The following ATP13A4 variants were observed in gnomAD, a reference collection of about 807,000 sequenced individuals.
ATP13A4 encodes probable cation-transporting ATPase 13A4.
A neutral mutation model predicts 142.5 loss-of-function variants in ATP13A4; 114 were observed. The observed-to-expected ratio is 0.80, with a 90% CI of 0.69 to 0.93. ATP13A4 has a LOEUF of 0.93. ATP13A4 is among the 40% of genes least tolerant of loss of function. The probability of loss-of-function intolerance (pLI) is 0.00; values close to 1 mark genes in which losing one functional copy is unlikely to be tolerated. For missense variants in ATP13A4, 1,392 were observed against 1,454.0 expected (o/e 0.96, Z 0.69); for synonymous variants, 488 against 514.8 (o/e 0.95, Z 0.70).
intron 18 of ATP13A4, among the ~76,000 whole-genome samples, chr3:193,443,408 C>T (rs1207391940): frequency 1.3e-5 from 2 of 152,094 alleles, no homozygotes; most frequent in African/African-American, 4.8e-5. Context: ...GTGAGGCAGA[C>T]CCAAACATCA....
chr3:193,554,681 TGTGTG>T, intron 1 of ATP13A4, 54 bp downstream of exon 1: 1 of 1,377,248 alleles, frequency 7.3e-7, no homozygotes, highest in Non-Finnish European at 1.0e-6. Context: ...TGTGTGTGTG[TGTGTG>T]TCTCGCAGGC....
At chr3:193,459,372 T>A in intron 13 of ATP13A4, 141 bp from the exon 14 acceptor site, 1 of 1,088,016 alleles carries the variant, frequency 9.2e-7, no homozygotes, top group Non-Finnish European at 1.3e-6. Flanking sequence ...CCTCCCACAT[T>A]AATAGTGCTT....
intron 25 of ATP13A4, among the ~76,000 whole-genome samples, chr3:193,429,860 T>C (rs1715874244): frequency 6.6e-6 from 1 of 152,062 alleles, no homozygotes; most frequent in Admixed American, 6.6e-5. Context: ...TCTTAATTTA[T>C]ATAGAAAAAA....
intron 3 of ATP13A4, among the ~76,000 whole-genome samples, chr3:193,500,141 A>G (rs963579040): frequency 1.3e-5 from 2 of 152,178 alleles, no homozygotes; most frequent in African/African-American, 4.8e-5. Flanking sequence ...TTATTTGCCT[A>G]TTTCCTGGAA....
At chr3:193,429,469 C>T (rs762186466) in intron 25 of ATP13A4, among the ~76,000 whole-genome samples, 15 of 151,988 alleles carry the variant, frequency 9.9e-5, no homozygotes, top group African/African-American at 1.7e-4. Context: ...GCTATAAAAA[C>T]GAATTAAGTT....
chr3:193,526,081 G>A (rs185305119), intron 1 of ATP13A4, among the ~76,000 whole-genome samples: 358 of 152,292 alleles, frequency 2.4e-3, no homozygotes, highest in African/African-American at 7.8e-3. Context: ...GGCCTGGCTT[G>A]CTAGGCCATA....
At chr3:193,436,412 G>A (rs184736229) in intron 23 of ATP13A4, among the ~76,000 whole-genome samples, 2 of 151,820 alleles carry the variant, frequency 1.3e-5, no homozygotes, top group East Asian at 1.9e-4. Context: ...TATTTCATTC[G>A]GTGAAAAATA....
chr3:193,537,574 A>G (rs1003039698), intron 1 of ATP13A4, among the ~76,000 whole-genome samples: 4 of 152,208 alleles, frequency 2.6e-5, no homozygotes, highest in Non-Finnish European at 4.4e-5. Flanking sequence ...GTTATCCATA[A>G]AAGGAAAAAT....
chr3:193,405,577 G>A (rs943584938), intron 29 of ATP13A4, among the ~76,000 whole-genome samples: 8 of 152,070 alleles, frequency 5.3e-5, no homozygotes, highest in Non-Finnish European at 8.8e-5. Context: ...CCATAATCAC[G>A]TGCACAAACA....
At chr3:193,417,851 G>A (rs1450307120) in intron 25 of ATP13A4, among the ~76,000 whole-genome samples, 4 of 148,926 alleles carry the variant, frequency 2.7e-5, no homozygotes, top group South Asian at 2.1e-4. Context: ...GGCCGGGCGC[G>A]GTGGCTCACG....
intron 1 of ATP13A4, among the ~76,000 whole-genome samples, chr3:193,534,541 A>G (rs1158985150): frequency 3.9e-5 from 6 of 152,202 alleles, no homozygotes; most frequent in Non-Finnish European, 8.8e-5. Context: ...CATAAAACCA[A>G]AAGAAAATAT....
intron 17 of ATP13A4, among the ~76,000 whole-genome samples, chr3:193,450,216 T>C (rs1276697223): frequency 6.6e-6 from 1 of 152,244 alleles, no homozygotes; most frequent in Non-Finnish European, 1.5e-5. Context: ...TGTTTTATTC[T>C]TGGGCTTCTG....
At position 193,464,935 on chromosome 3, in the gene ATP13A4, C is replaced by T. The variant is rs770315421; in HGVS notation, c.1461+5G>A. 2.2e-5 allele frequency: 35 copies of T among 1,612,596 alleles called. No individual in the cohort carries two copies. The highest frequency in any genetic ancestry group is 5.3e-5 in the African/African-American group (4 of 74,872). On this transcript the variant is annotated splice_donor_5th_base_variant and intron_variant, in intron 12 of 29. Coordinates refer to ENST00000342695, the MANE Select transcript of ATP13A4 (RefSeq NM_032279.4). ...ATGATAAGAATAAGGATGAAACACA[C>T]ATACCTTGTCAAAGCAGACAAGGTT... is the stretch of plus-strand genomic sequence containing the variant.
In ATP13A4 at chr3:193,501,269, T is replaced by C. The variant is rs549412943; in HGVS notation, c.381+1224A>G. Among the ~76,000 whole-genome samples, 289 of 152,306 alleles carry C rather than the reference T, an allele frequency of 1.9e-3. 2 individuals carry two copies. Among genetic ancestry groups the C allele is most frequent in the African/African-American group, 6.6e-3 (276 of 41,560 alleles). ...TTATTTGGAGGTACTTGACCTCCTT[T>C]GTTTTTGTTTATTTGGGCAGCTAAG... On this transcript the variant is annotated intron_variant, in intron 3 of 29. Coordinates refer to ENST00000342695, the MANE Select transcript of ATP13A4 (RefSeq NM_032279.4).
intron 1 of ATP13A4, among the ~76,000 whole-genome samples, chr3:193,589,414 A>G (rs190947631): frequency 9.2e-4 from 140 of 152,296 alleles, no homozygotes; most frequent in African/African-American, 3.2e-3. Flanking sequence ...AGATCTCCCA[A>G]GAAGAACTTT....
intron 1 of ATP13A4, among the ~76,000 whole-genome samples, chr3:193,583,806 C>T (rs921145499): frequency 2.0e-5 from 3 of 152,114 alleles, no homozygotes; most frequent in Middle Eastern, 3.4e-3. Context: ...ACTTAAAAAG[C>T]AGGAAAAGGC....
At chr3:193,540,349 T>G (rs1218625856) in intron 1 of ATP13A4, among the ~76,000 whole-genome samples, 2 of 151,894 alleles carry the variant, frequency 1.3e-5, no homozygotes, top group African/African-American at 4.8e-5. Flanking sequence ...TGATGGTGAA[T>G]AGCAAATGTG....
chr3:193,485,972 A>C (rs1719591582), intron 7 of ATP13A4, among the ~76,000 whole-genome samples: 1 of 151,652 alleles, frequency 6.6e-6, no homozygotes, highest in African/African-American at 2.4e-5. Flanking sequence ...CCAAACATAA[A>C]AGAGATTGCA....
intron 2 of ATP13A4, among the ~76,000 whole-genome samples, chr3:193,568,029 G>A (rs575477276): frequency 2.6e-5 from 4 of 151,574 alleles, no homozygotes; most frequent in African/African-American, 9.7e-5. Context: ...GCGCAGTCTC[G>A]GCTCACTGCA....
Sources: allele counts gnomAD v4.1 joint callset (sites outside exome capture counted in the v4.1 genomes callset), GRCh38; gene constraint gnomAD v4.1.1; transcripts MANE v1.5; gene names NCBI Gene and HGNC (gene_info 2026-07-23, HGNC 2026-07-21).